DLG2: variants seen among roughly 807,000 people sequenced by gnomAD.
The protein encoded by DLG2 is discs large MAGUK scaffold protein 2.
Under a neutral mutation model 132.5 loss-of-function variants are expected in DLG2, and 45 were observed. That is an observed-to-expected ratio of 0.34 (90% CI 0.27 to 0.44). DLG2 has a LOEUF of 0.44. DLG2 is among the 20% of genes least tolerant of loss of function. The pLI, the probability that DLG2 is intolerant of heterozygous loss-of-function variation, is 1.00. For missense variants in DLG2, 1,045 were observed against 1,196.9 expected (o/e 0.87, Z 1.87); for synonymous variants, 424 against 419.6 (o/e 1.01, Z -0.13).
chr11:85,219,540 GATATT>G (rs1425421430), intron 4 of DLG2, among the ~76,000 whole-genome samples: 1 of 151,648 alleles, frequency 6.6e-6, no homozygotes, highest in African/African-American at 2.4e-5. Flanking sequence ...TCTAGAGGAG[GATATT>G]TTCTTGCATT....
chr11:83,507,465 T>G (rs2094766486), intron 21 of DLG2, among the ~76,000 whole-genome samples: 1 of 124,186 alleles, frequency 8.1e-6, no homozygotes, highest in Admixed American at 8.1e-5. Flanking sequence ...CACATATATA[T>G]ACCCTATATA....
At chr11:84,949,586 T>C (rs960740368) in intron 6 of DLG2, among the ~76,000 whole-genome samples, 1 of 152,130 alleles carries the variant, frequency 6.6e-6, no homozygotes, top group Non-Finnish European at 1.5e-5. Flanking sequence ...CTCAGGGATA[T>C]CCCATGCTGA....
rs1417491929 is a variant in DLG2, at chr11:84,737,494, G to T, written c.358-202763C>A. On this transcript the variant is annotated intron_variant, in intron 6 of 27. Transcript: ENST00000376104. ...CTATCTAGGTCAAGAGAGAGAGAAA[G>T]AAAGAGACAGAGAGAGAGAGAGAGA... 2.4e-5 allele frequency among the ~76,000 whole-genome samples: 3 copies of T among 124,736 alleles called. No homozygotes were observed. The East Asian group carries it at 6.5e-4, about 27-fold the overall frequency. The allele number at this position is 124,736 out of a possible 152,430, so 81.8% of individuals were successfully genotyped here. A position where few individuals can be genotyped will look rare whatever the true frequency, so the allele number is the denominator to read the frequency against.
At chr11:83,913,972 G>A (rs1323700977) in intron 15 of DLG2, among the ~76,000 whole-genome samples, 3 of 152,160 alleles carry the variant, frequency 2.0e-5, no homozygotes, top group African/African-American at 7.2e-5. Flanking sequence ...CTTCAGATGA[G>A]CAGTGATTCT....
intron 3 of DLG2, among the ~76,000 whole-genome samples, chr11:85,460,155 G>A (rs1179540543): frequency 1.3e-5 from 2 of 152,180 alleles, no homozygotes; most frequent in African/African-American, 2.4e-5. Context: ...TGGAGGTGAA[G>A]CCTGGAGTCC....
At chr11:85,074,455 G>A (rs1238967782) in intron 6 of DLG2, among the ~76,000 whole-genome samples, 1 of 151,740 alleles carries the variant, frequency 6.6e-6, no homozygotes, top group Non-Finnish European at 1.5e-5. Flanking sequence ...CAAGACACAG[G>A]CTAGAAGGAT....
At chr11:85,093,585 G>A (rs2069202188) in intron 6 of DLG2, among the ~76,000 whole-genome samples, 1 of 152,202 alleles carries the variant, frequency 6.6e-6, no homozygotes, top group African/African-American at 2.4e-5. Context: ...TCACAATCAT[G>A]GTGGAAGGTG....
chr11:83,790,779 C>G, intron 17 of DLG2: 2 of 758,908 alleles, frequency 2.6e-6, no homozygotes, highest in East Asian at 2.4e-5. Flanking sequence ...GTCTGCCTGA[C>G]TCTCATCTTC....
intron 7 of DLG2, among the ~76,000 whole-genome samples, chr11:84,251,603 A>G (rs1191242489): frequency 2.0e-5 from 3 of 151,444 alleles, no homozygotes; most frequent in Non-Finnish European, 4.4e-5. Context: ...AGGATTTCTA[A>G]TAAATTGGGT....
At chr11:85,554,436 C>T (rs2076825450) in intron 3 of DLG2, among the ~76,000 whole-genome samples, 3 of 151,772 alleles carry the variant, frequency 2.0e-5, no homozygotes, top group Admixed American at 6.6e-5. Flanking sequence ...ATTGCCTTAG[C>T]AAAGATTATG....
intron 6 of DLG2, among the ~76,000 whole-genome samples, chr11:84,973,099 A>T (rs1310032957): frequency 1.3e-5 from 2 of 151,970 alleles, no homozygotes; most frequent in African/African-American, 4.8e-5. Flanking sequence ...CTGGGATTAC[A>T]GGTGCATCCC....
At chr11:83,566,544 CAT>C (rs756493389) in intron 19 of DLG2, among the ~76,000 whole-genome samples, 1 of 152,092 alleles carries the variant, frequency 6.6e-6, no homozygotes, top group Non-Finnish European at 1.5e-5. Context: ...TAGAAAACCT[CAT>C]AGAGTTCCTG....
At chr11:85,050,725 T>C (rs970835972) in intron 6 of DLG2, among the ~76,000 whole-genome samples, 4 of 152,210 alleles carry the variant, frequency 2.6e-5, no homozygotes, top group African/African-American at 9.6e-5. Flanking sequence ...TGATTTGTTA[T>C]GCACTTAATA....
chr11:85,583,035 C>T (rs1170940208), intron 3 of DLG2, among the ~76,000 whole-genome samples: 1 of 104,502 alleles, frequency 9.6e-6, no homozygotes, highest in Non-Finnish European at 1.9e-5. Flanking sequence ...GAATCAAGAA[C>T]TAGAAACCAG....
intron 6 of DLG2, among the ~76,000 whole-genome samples, chr11:84,664,084 C>G (rs537371266): frequency 6.6e-6 from 1 of 152,288 alleles, no homozygotes; most frequent in South Asian, 2.1e-4. Flanking sequence ...AGGCTTCCTT[C>G]TGAATGAAGC....
At chr11:84,234,851 A>G (rs1226907793) in intron 8 of DLG2, among the ~76,000 whole-genome samples, 1 of 152,202 alleles carries the variant, frequency 6.6e-6, no homozygotes, top group African/African-American at 2.4e-5. Context: ...ATGGCCACAC[A>G]AAGTTTTCTC....
At chr11:83,759,374 G>C (rs2093797464) in intron 18 of DLG2, among the ~76,000 whole-genome samples, 1 of 152,214 alleles carries the variant, frequency 6.6e-6, no homozygotes, top group Admixed American at 6.5e-5. Flanking sequence ...ACAAGTACCT[G>C]CGGTGAATAG....
chr11:85,405,456 T>C (rs1345099548), intron 3 of DLG2, among the ~76,000 whole-genome samples: 1 of 151,976 alleles, frequency 6.6e-6, no homozygotes, highest in Admixed American at 6.6e-5. Context: ...AAGGTTTACA[T>C]GGAGAATGAA....
At chr11:84,785,481 T>C (rs982951606) in intron 6 of DLG2, among the ~76,000 whole-genome samples, 2 of 152,074 alleles carry the variant, frequency 1.3e-5, no homozygotes, top group Non-Finnish European at 2.9e-5. Flanking sequence ...CATGGACAAA[T>C]ATTTTGCAGA....
Sources: gnomAD v4.1 joint callset for allele counts (sites outside exome capture counted in the v4.1 genomes callset) on GRCh38, gnomAD v4.1.1 for gene constraint, MANE v1.5 for transcripts, NCBI Gene and HGNC (gene_info 2026-07-23, HGNC 2026-07-21) for gene names.